Variants in DCHS2 observed in about 807,000 individuals in gnomAD.
The protein encoded by DCHS2 is dachsous cadherin-related 2, also known as protocadherin-23.
Under a neutral mutation model 182.4 loss-of-function variants are expected in DCHS2, and 142 were observed. The ratio of observed to expected loss-of-function variants is 0.78; its 90% CI spans 0.68 to 0.89. The LOEUF is 0.89. Among genes scored for constraint, DCHS2 ranks in the 40% least tolerant of loss-of-function variants. DCHS2 has a pLI of 0.00. For missense variants in DCHS2, 4,319 were observed against 4,198.6 expected (o/e 1.03, Z -0.79); for synonymous variants, 1,740 against 1,663.3 (o/e 1.05, Z -1.12).
intron 3 of DCHS2, among the ~76,000 whole-genome samples, chr4:154,356,244 A>G (rs1729858625): frequency 1.3e-5 from 2 of 152,148 alleles, no homozygotes; most frequent in South Asian, 4.1e-4. Context: ...TTAAAAACAA[A>G]GAAAAGCTTA....
intron 10 of DCHS2, among the ~76,000 whole-genome samples, chr4:154,311,822 C>T (rs1325617779): frequency 6.6e-6 from 1 of 151,788 alleles, no homozygotes; most frequent in African/African-American, 2.4e-5. Context: ...AAGTTCACAG[C>T]CTAGAGAAAA....
rs1255844273 is a variant in DCHS2 at position 154,236,522 on chromosome 4, C to T, written c.8130G>A (p.Lys2710=). Reference sequence around the variant, plus strand: ...TGTTTTCTTCTAAGTAAAAATGTCCCTTCTCATTTCCAGAGATGATGTTGT... The same window carrying T: ...TGTTTTCTTCTAAGTAAAAATGTCCTTTCTCATTTCCAGAGATGATGTTGT... ...IIYNIISGNE[K]GHFYLEENTG... is the part of the protein sequence containing the mutation. Residue 2710 remains lysine, a synonymous_variant, in exon 20 of 20, where the codon AAG becomes AAA. Coordinates refer to ENST00000357232, the MANE Select transcript of DCHS2 (RefSeq NM_001358235.2). 1.2e-6 allele frequency: 2 copies of T among 1,613,854 alleles called. No homozygotes were observed. Among genetic ancestry groups the T allele is most frequent in the South Asian group, 1.1e-5 (1 of 91,080 alleles).
At chr4:154,293,215 T>C (rs968553954) in intron 13 of DCHS2, among the ~76,000 whole-genome samples, 5 of 149,138 alleles carry the variant, frequency 3.4e-5, no homozygotes, top group African/African-American at 1.2e-4. Context: ...TTTTTTTTTT[T>C]CTCTGAGACG....
chr4:154,370,723 G>A lies in DCHS2; in HGVS notation c.2245-4282C>T, dbSNP rs1031340409. On this transcript the variant is annotated intron_variant, in intron 2 of 19. Coordinates refer to ENST00000357232, the MANE Select transcript of DCHS2 (RefSeq NM_001358235.2). ...GGTTAGTGGATTTGGTGGTAGGAAGGTAAGACCTTTCTCTCTCAAGCAGAC... is the reference window on the plus strand; with the variant it reads ...GGTTAGTGGATTTGGTGGTAGGAAGATAAGACCTTTCTCTCTCAAGCAGAC... Among the ~76,000 whole-genome samples the A allele has an allele frequency of 3.3e-5, 5 of 152,130 alleles. 2 individuals carry two copies. In the South Asian group the frequency reaches 1.0e-3, roughly 32 times the overall value.
intron 3 of DCHS2, among the ~76,000 whole-genome samples, chr4:154,337,117 T>C (rs1321973556): frequency 1.3e-5 from 2 of 152,226 alleles, no homozygotes; most frequent in African/African-American, 2.4e-5. Context: ...AAGTCAGATC[T>C]TTCTCATCTG....
rs779273553 is a variant in DCHS2 at position 154,333,343 on chromosome 4, G to A, written c.2865C>T (p.Gly955=). ...VVVLTVQAQL[G]SAPACSSTEV... is the part of the protein sequence containing the mutation. ...CGGTGCTGCTGCAGGCTGGGGCGCT[G>A]CCGAGCTGCGCCTGCACCGTGAGCA... Residue 955 remains glycine (G), a synonymous_variant, in exon 5 of 20, where the codon GGC becomes GGT. Transcript: ENST00000357232. The A allele has an allele frequency of 4.3e-6, 7 of 1,614,186 alleles. No homozygotes were observed. The highest frequency in any genetic ancestry group is 5.9e-6 in the Non-Finnish European group (7 of 1,180,038).
chr4:154,237,311 C>T (rs1731579358), intron 19 of DCHS2, 152 bp from the exon 20 acceptor site: 4 of 1,034,906 alleles, frequency 3.9e-6, no homozygotes, highest in Admixed American at 6.4e-5. Flanking sequence ...AATAGAAATA[C>T]AAATTATTGT....
In DCHS2 at chr4:154,232,163, C is replaced by T. The variant is rs561242879; in HGVS notation, c.*2373G>A. The T allele has an allele frequency of 1.3e-5, 2 of 152,132 alleles. No homozygotes were observed. The highest frequency in any genetic ancestry group is 2.1e-4 in the South Asian group (1 of 4,804). 9.4% of individuals were successfully genotyped at this position (152,132 alleles called of 1,614,324 possible). A position where few individuals can be genotyped will look rare whatever the true frequency, so the allele number is the denominator to read the frequency against. On this transcript the variant is annotated 3_prime_UTR_variant, in exon 20 of 20. Coordinates refer to ENST00000357232, the MANE Select transcript of DCHS2 (RefSeq NM_001358235.2). The stretch of plus-strand genomic sequence containing the variant: ...CAGTGCATAGATCAGCAAAGTAACC[C>T]AGAACATATGAGGCAAGTTAATATT...
intron 12 of DCHS2, among the ~76,000 whole-genome samples, chr4:154,299,261 A>G (rs1226323323): frequency 6.6e-6 from 1 of 152,188 alleles, no homozygotes; most frequent in Non-Finnish European, 1.5e-5. Context: ...GAATCATAAC[A>G]CTTTGGTTAG....
chr4:154,296,876 C>T (rs11728292), intron 13 of DCHS2, among the ~76,000 whole-genome samples: 43,645 of 151,892 alleles, frequency 0.29, 7,095 homozygotes, highest in East Asian at 0.47. Context: ...AAATTGCAGG[C>T]GTATTTGGGG....
intron 1 of DCHS2, among the ~76,000 whole-genome samples, chr4:154,430,541 G>A (rs1234791249): frequency 1.3e-5 from 2 of 152,150 alleles, no homozygotes; most frequent in Non-Finnish European, 2.9e-5. Context: ...CCTGGATGAA[G>A]AGTTAACTCC....
intron 2 of DCHS2, among the ~76,000 whole-genome samples, chr4:154,367,802 G>C (rs1047603153): frequency 6.6e-6 from 1 of 152,096 alleles, no homozygotes; most frequent in Non-Finnish European, 1.5e-5. Context: ...ATTTGGCAAG[G>C]GACAGAGGGA....
At chr4:154,248,696 G>T (rs1732205048) in intron 16 of DCHS2, among the ~76,000 whole-genome samples, 2 of 152,056 alleles carry the variant, frequency 1.3e-5, no homozygotes, top group South Asian at 4.1e-4. Context: ...ATACTATAAG[G>T]CTACAGTAAT....
At chr4:154,351,907 C>A (rs1262599503) in intron 3 of DCHS2, among the ~76,000 whole-genome samples, 1 of 152,020 alleles carries the variant, frequency 6.6e-6, no homozygotes, top group East Asian at 1.9e-4. Context: ...GGTTGGGAAC[C>A]CCTGCCCTAT....
intron 10 of DCHS2, among the ~76,000 whole-genome samples, chr4:154,311,894 A>T (rs1353876225): frequency 2.6e-5 from 4 of 152,202 alleles, no homozygotes; most frequent in South Asian, 2.1e-4. Context: ...AAGAATATAT[A>T]CCAAAGTTTT....
intron 1 of DCHS2, among the ~76,000 whole-genome samples, chr4:154,442,537 C>G (rs77747305): frequency 1.3e-5 from 1 of 77,294 alleles, no homozygotes; most frequent in Non-Finnish European, 3.1e-5. Flanking sequence ...ACACCCCCCC[C>G]CCCCCACACA....
chr4:154,251,221 G>C (rs1732338010), intron 16 of DCHS2, among the ~76,000 whole-genome samples: 1 of 152,126 alleles, frequency 6.6e-6, no homozygotes, highest in Non-Finnish European at 1.5e-5. Flanking sequence ...GAAAATAACT[G>C]CTTGCCTTGA....
chr4:154,461,831 A>G (rs73854786), intron 1 of DCHS2, among the ~76,000 whole-genome samples: 1,632 of 152,234 alleles, frequency 0.011, 24 homozygotes, highest in South Asian at 0.072. Flanking sequence ...GGACATTTTC[A>G]GTGGATTGTC....
At chr4:154,358,517 G>A (rs1729975051) in intron 3 of DCHS2, among the ~76,000 whole-genome samples, 1 of 152,154 alleles carries the variant, frequency 6.6e-6, no homozygotes, top group South Asian at 2.1e-4. Flanking sequence ...TTTGAAAAAT[G>A]TGCTGATCCA....
Sources: gnomAD v4.1 joint callset for allele counts (sites outside exome capture counted in the v4.1 genomes callset) on GRCh38, gnomAD v4.1.1 for gene constraint, MANE v1.5 for transcripts, NCBI Gene and HGNC (gene_info 2026-07-23, HGNC 2026-07-21) for gene names.